The following PKHD1L1 variants were observed in gnomAD, a reference collection of about 807,000 sequenced individuals.
The protein encoded by PKHD1L1 is fibrocystin-L.
In PKHD1L1, 434 loss-of-function variants were observed where a neutral mutation model predicts 462.9. The ratio of observed to expected loss-of-function variants is 0.94; its 90% CI spans 0.87 to 1.02. PKHD1L1 has a LOEUF of 1.02. Ranked by LOEUF, PKHD1L1 falls within the 50% of genes least tolerant of loss-of-function variation. The probability of loss-of-function intolerance (pLI) is 0.00; values close to 1 mark genes in which losing one functional copy is unlikely to be tolerated. For synonymous variants in PKHD1L1, 1,781 were observed against 1,750.0 expected (o/e 1.02, Z -0.44); for missense variants, 5,202 against 5,096.1 (o/e 1.02, Z -0.63).
chr8:109,497,760 T>C (rs1819189964), intron 65 of PKHD1L1, among the ~76,000 whole-genome samples: 2 of 151,494 alleles, frequency 1.3e-5, no homozygotes, highest in Non-Finnish European at 2.9e-5. Context: ...CCTCCTCCCT[T>C]CCCTCTTCTT....
intron 47 of PKHD1L1, among the ~76,000 whole-genome samples, 181 bp from the exon 48 acceptor site, chr8:109,461,591 A>G (rs573207080): frequency 1.2e-3 from 177 of 152,188 alleles, no homozygotes; most frequent in Non-Finnish European, 2.0e-3. Context: ...AAGTTGAACA[A>G]GACAAGGTAC....
intron 2 of PKHD1L1, among the ~76,000 whole-genome samples, chr8:109,374,390 G>C (rs899826812): frequency 5.9e-5 from 9 of 152,112 alleles, no homozygotes; most frequent in Non-Finnish European, 1.0e-4. Flanking sequence ...GAGCCTATGT[G>C]TGTCTCTGCA....
Position 109,534,200 on chromosome 8 carries a change from C to T in PKHD1L1, c.*4110C>T, listed in dbSNP as rs562134735. Among the ~76,000 whole-genome samples, 4 of 152,232 alleles carry T rather than the reference C, an allele frequency of 2.6e-5. No homozygotes were observed. The highest frequency in any genetic ancestry group is 6.5e-5 in the Admixed American group (1 of 15,288). On this transcript the variant is annotated 3_prime_UTR_variant, in exon 78 of 78. Transcript: ENST00000378402. ...ATCTGAGGCTAGGCGCAGTGGCTCA[C>T]GCCTGTAATCCCAGCACTCTGGGAG...
In PKHD1L1 at chr8:109,413,306, C is replaced by T. The variant is rs114551161; in HGVS notation, c.2236-115C>T. 4.6e-3 allele frequency: 3,226 copies of T among 697,568 alleles called. 44 individuals are homozygous for T. The highest frequency in any genetic ancestry group is 0.034 in the African/African-American group (1,818 of 53,912). 43.2% of individuals were successfully genotyped at this position (697,568 alleles called of 1,614,324 possible). ...TCATTTATTTCTCTGTGTTCTGGTA[C>T]GTTTTATGTAGAAAATGCTCAATAA... On this transcript the variant is annotated intron_variant, in intron 20 of 77. Transcript: ENST00000378402.
At chr8:109,453,769 T>G (rs1816668093) in intron 43 of PKHD1L1, among the ~76,000 whole-genome samples, 1 of 152,228 alleles carries the variant, frequency 6.6e-6, no homozygotes, top group Non-Finnish European at 1.5e-5. Flanking sequence ...AAAGCTAATG[T>G]TGACATTATA....
intron 70 of PKHD1L1, among the ~76,000 whole-genome samples, chr8:109,510,501 A>C (rs1459436439): frequency 2.0e-5 from 3 of 152,172 alleles, no homozygotes; most frequent in Non-Finnish European, 2.9e-5. Context: ...ACCTTCCGAT[A>C]CAAATTCTTA....
At chr8:109,525,674 A>T (rs552494614) in intron 76 of PKHD1L1, among the ~76,000 whole-genome samples, 1 of 152,350 alleles carries the variant, frequency 6.6e-6, no homozygotes, top group African/African-American at 2.4e-5. Flanking sequence ...GAGGAGAAAA[A>T]CAAAATAAAA....
chr8:109,475,066 T>C (rs1817905887), intron 50 of PKHD1L1, 52 bp from the exon 51 acceptor site: 14 of 1,474,402 alleles, frequency 9.5e-6, no homozygotes, highest in Non-Finnish European at 1.3e-5. Context: ...AAAGGAGGAG[T>C]TTATTAGAGG....
intron 76 of PKHD1L1, among the ~76,000 whole-genome samples, chr8:109,524,748 T>C (rs1343428974): frequency 6.6e-6 from 1 of 152,086 alleles, no homozygotes; most frequent in East Asian, 1.9e-4. Context: ...CAAGGAGAAA[T>C]GCCAGTGCTC....
intron 48 of PKHD1L1, among the ~76,000 whole-genome samples, chr8:109,463,518 T>G (rs1817252639): frequency 6.6e-6 from 1 of 152,098 alleles, no homozygotes; most frequent in Non-Finnish European, 1.5e-5. Context: ...GAAGTAACGT[T>G]TTATTTCCTT....
chr8:109,485,513 T>C (rs1379226915), intron 58 of PKHD1L1, among the ~76,000 whole-genome samples: 1 of 152,028 alleles, frequency 6.6e-6, no homozygotes, highest in African/African-American at 2.4e-5. Context: ...TCCTAAATTG[T>C]TTCATGGATA....
Position 109,405,234 on chromosome 8 carries a change from G to A in PKHD1L1, c.1669+104G>A, listed in dbSNP as rs781587970. 1.8e-4 allele frequency: 124 copies of A among 702,244 alleles called. 1 individual carries two copies. Among genetic ancestry groups the A allele is most frequent in the Non-Finnish European group, 2.3e-4 (110 of 479,688 alleles). 43.5% of individuals were successfully genotyped at this position (702,244 alleles called of 1,614,324 possible). Reference sequence around the variant, plus strand: ...TACACTGTCTGGAAAATATAGTTTTGATGATATGCTAGACAAAGAAGCAGA... The same window carrying A: ...TACACTGTCTGGAAAATATAGTTTTAATGATATGCTAGACAAAGAAGCAGA... On this transcript the variant is annotated intron_variant, in intron 16 of 77. Transcript: ENST00000378402.
chr8:109,396,538 T>C (rs1221926452), intron 11 of PKHD1L1, among the ~76,000 whole-genome samples: 2 of 152,242 alleles, frequency 1.3e-5, no homozygotes, highest in African/African-American at 4.8e-5. Flanking sequence ...ATTTTGGTTA[T>C]TCTCCTCATA....
At chr8:109,403,047 T>G (rs1813353941) in intron 14 of PKHD1L1, among the ~76,000 whole-genome samples, 1 of 152,202 alleles carries the variant, frequency 6.6e-6, no homozygotes, top group South Asian at 2.1e-4. Context: ...ATTTTCAGAC[T>G]TTGGCTTGGT....
At position 109,481,448 on chromosome 8, in the gene PKHD1L1, G is replaced by T. The variant is rs374353671; in HGVS notation, c.9343G>T (p.Gly3115Cys). The T allele has an allele frequency of 2.7e-5, 43 of 1,596,512 alleles. 1 individual carries two copies. In the Middle Eastern group the frequency reaches 1.5e-3, roughly 56 times the overall value. ...YISLQGGRLI[G>C]GWEDNPFKGD... ...TTCATTTCAGGGAGGTAGATTAATCGGTGGCTGGGAAGATAACCCTTTTAA... is the reference window on the plus strand; with the variant it reads ...TTCATTTCAGGGAGGTAGATTAATCTGTGGCTGGGAAGATAACCCTTTTAA... Residue 3115 changes from glycine (G) to cysteine (C), a missense_variant, in exon 56 of 78, where the codon GGT becomes TGT. By Grantham distance (159) the Gly-to-Cys change is radical. Transcript: ENST00000378402.
Position 109,464,443 on chromosome 8 carries a change from C to T in PKHD1L1, c.7611C>T (p.Ile2537=), listed in dbSNP as rs974497745. Residue 2537 remains isoleucine (I), a synonymous_variant, in exon 49 of 78, where the codon ATC becomes ATT. Coordinates refer to ENST00000378402, the MANE Select transcript of PKHD1L1 (RefSeq NM_177531.6). ...FIEDGIEHGN[I]LQYNLAVFVQ... ...AAGATGGTATTGAACATGGCAATAT[C>T]CTCCAGTATAACTTGGCAGTATTTG... The T allele has an allele frequency of 6.2e-7, 1 of 1,613,490 alleles. No homozygotes were observed. The highest frequency in any genetic ancestry group is 8.5e-7 in the Non-Finnish European group (1 of 1,179,742).
At chr8:109,494,437 A>G (rs965063346) in intron 63 of PKHD1L1, among the ~76,000 whole-genome samples, 1 of 151,964 alleles carries the variant, frequency 6.6e-6, no homozygotes, top group African/African-American at 2.4e-5. Context: ...ATCTATGAAC[A>G]AGGTTATTCA....
rs201542194 is a variant in PKHD1L1 at position 109,445,463 on chromosome 8, T to C, written c.5594T>C (p.Ile1865Thr). The C allele has an allele frequency of 3.0e-4, 478 of 1,613,974 alleles. No homozygotes were observed. Among genetic ancestry groups the C allele is most frequent in the South Asian group, 6.7e-4 (61 of 91,078 alleles). ...GFYPGNTTVT[I>T]GDEPCQIISI... The stretch of plus-strand genomic sequence containing the variant: ...TATCCAGGCAACACTACAGTCACTA[T>C]TGGGGATGAACCTTGTCAAATTATT... The change falls in exon 38 of 78, where the codon ATT becomes ACT. Residue 1865 changes from isoleucine to threonine, a missense_variant. Transcript: ENST00000378402.
intron 59 of PKHD1L1, among the ~76,000 whole-genome samples, 158 bp from the exon 60 acceptor site, chr8:109,489,794 A>G (rs570761335): frequency 3.3e-5 from 5 of 151,998 alleles, no homozygotes; most frequent in South Asian, 2.1e-4. Flanking sequence ...TGTGAGTACA[A>G]TGAAAAGAGG....
Sources: allele counts gnomAD v4.1 joint callset (sites outside exome capture counted in the v4.1 genomes callset), GRCh38; gene constraint gnomAD v4.1.1; transcripts MANE v1.5; gene names NCBI Gene and HGNC (gene_info 2026-07-23, HGNC 2026-07-21).